The following PLCL1 variants were observed in gnomAD, a reference collection of about 807,000 sequenced individuals.
PLCL1 encodes phospholipase C like 1 (inactive), also known as inactive phospholipase C-like protein 1.
A neutral mutation model predicts 84.4 loss-of-function variants in PLCL1; 41 were observed. The observed-to-expected ratio is 0.49, with a 90% CI of 0.38 to 0.63. PLCL1 has a LOEUF of 0.63. Among genes scored for constraint, PLCL1 ranks in the 30% least tolerant of loss-of-function variants. The pLI is 0.00. For synonymous variants in PLCL1, 490 were observed against 488.3 expected (o/e 1.00, Z -0.05); for missense variants, 1,206 against 1,367.8 (o/e 0.88, Z 1.87).
At position 197,922,795 on chromosome 2, in the gene PLCL1, T is replaced by G. The variant is rs1480238838; in HGVS notation, c.240+117456T>G. Among the ~76,000 whole-genome samples, 531 of 123,094 alleles carry G rather than the reference T, an allele frequency of 4.3e-3. 1 individual carries two copies. The highest frequency in any genetic ancestry group is 7.5e-3 in the Non-Finnish European group (431 of 57,160). The allele number at this position is 123,094 out of a possible 152,430, so 80.8% of individuals were successfully genotyped here. The stretch of plus-strand genomic sequence containing the variant: ...CAGGGGGCTGACCCCCCCACCTCCC[T>G]CCCGGACGGGGCGGCTGGCCGGGCA... On this transcript the variant is annotated intron_variant, in intron 1 of 5. Coordinates refer to ENST00000428675, the MANE Select transcript of PLCL1 (RefSeq NM_006226.4).
intron 1 of PLCL1, among the ~76,000 whole-genome samples, chr2:198,050,613 C>T (rs553939897): frequency 5.3e-5 from 8 of 152,124 alleles, no homozygotes; most frequent in African/African-American, 1.9e-4. Flanking sequence ...GTATGACAGA[C>T]AAATATTTTA....
intron 1 of PLCL1, among the ~76,000 whole-genome samples, chr2:198,032,118 C>G (rs1312778395): frequency 6.6e-6 from 1 of 152,118 alleles, no homozygotes; most frequent in African/African-American, 2.4e-5. Context: ...TCTTTGTGGT[C>G]TCTATGATGG....
chr2:197,875,443 CAGGA>C (rs1687716588), intron 1 of PLCL1, among the ~76,000 whole-genome samples: 1 of 152,002 alleles, frequency 6.6e-6, no homozygotes, highest in Non-Finnish European at 1.5e-5. Context: ...TTGGGAAAGG[CAGGA>C]AGGAACATCT....
intron 1 of PLCL1, among the ~76,000 whole-genome samples, chr2:198,025,424 A>C (rs1328087849): frequency 2.0e-5 from 3 of 151,658 alleles, no homozygotes; most frequent in Non-Finnish European, 4.4e-5. Flanking sequence ...AGATCATTTT[A>C]TTTCTTTTGA....
At chr2:197,966,533 T>C (rs1348129648) in intron 1 of PLCL1, among the ~76,000 whole-genome samples, 1 of 152,116 alleles carries the variant, frequency 6.6e-6, no homozygotes, top group Non-Finnish European at 1.5e-5. Flanking sequence ...AAGACTGAGT[T>C]TCAGTGTAAA....
chr2:197,857,672 T>C (rs1455478245), intron 1 of PLCL1, among the ~76,000 whole-genome samples: 1 of 152,190 alleles, frequency 6.6e-6, no homozygotes, highest in Non-Finnish European at 1.5e-5. Context: ...TGGGTCTAGC[T>C]GAACACAGAA....
chr2:197,885,880 C>T (rs1687914011), intron 1 of PLCL1, among the ~76,000 whole-genome samples: 1 of 152,124 alleles, frequency 6.6e-6, no homozygotes, highest in African/African-American at 2.4e-5. Context: ...CATGCATTGG[C>T]TAAAAACCTC....
chr2:198,037,458 C>G (rs1691573573), intron 1 of PLCL1, among the ~76,000 whole-genome samples: 1 of 152,220 alleles, frequency 6.6e-6, no homozygotes, highest in Admixed American at 6.5e-5. Context: ...ATTTCCCAAA[C>G]TTAGTTGACC....
intron 1 of PLCL1, among the ~76,000 whole-genome samples, chr2:197,900,023 C>G (rs1238583766): frequency 6.6e-6 from 1 of 152,208 alleles, no homozygotes; most frequent in African/African-American, 2.4e-5. Flanking sequence ...GCTACCTAAG[C>G]TAGTACTTTC....
chr2:198,145,156 C>G (rs1487690477), intron 5 of PLCL1, among the ~76,000 whole-genome samples: 1 of 152,098 alleles, frequency 6.6e-6, no homozygotes, highest in Non-Finnish European at 1.5e-5. Context: ...TTGCACTTTT[C>G]AAAGTGGATG....
intron 1 of PLCL1, among the ~76,000 whole-genome samples, chr2:197,825,001 C>G (rs1336454661): frequency 6.6e-6 from 1 of 151,952 alleles, no homozygotes; most frequent in Admixed American, 6.6e-5. Flanking sequence ...AGCAATATTG[C>G]CTTTTTTTTC....
chr2:197,989,542 C>G (rs1690293248), intron 1 of PLCL1, among the ~76,000 whole-genome samples: 2 of 151,942 alleles, frequency 1.3e-5, no homozygotes, highest in African/African-American at 4.8e-5. Flanking sequence ...CAAAACTGAC[C>G]AAGTGAGCTT....
intron 1 of PLCL1, among the ~76,000 whole-genome samples, chr2:197,852,090 T>G (rs1286565045): frequency 2.0e-5 from 3 of 152,242 alleles, no homozygotes; most frequent in Middle Eastern, 3.2e-3. Context: ...GCGACAGCTT[T>G]GGCCATGTTT....
intron 1 of PLCL1, among the ~76,000 whole-genome samples, chr2:197,816,850 A>G (rs1420631916): frequency 1.3e-5 from 2 of 152,152 alleles, no homozygotes; most frequent in East Asian, 1.9e-4. Flanking sequence ...GTTAAATTCC[A>G]TTAAACTGAA....
In PLCL1 at chr2:197,828,805, A is replaced by G. The variant is rs1273123318; in HGVS notation, c.240+23466A>G. Among the ~76,000 whole-genome samples the G allele has an allele frequency of 4.6e-5, 7 of 152,180 alleles. No homozygotes were observed. The East Asian group carries it at 1.3e-3, about 29-fold the overall frequency. On this transcript the variant is annotated intron_variant, in intron 1 of 5. Coordinates refer to ENST00000428675, the MANE Select transcript of PLCL1 (RefSeq NM_006226.4). ...GGAAACATATCAAGAACAGATTGAA[A>G]CAGAATGTCTTTAACTGTCTTAAAA... is the stretch of plus-strand genomic sequence containing the variant.
At chr2:198,140,305 G>A (rs1694354698) in intron 5 of PLCL1, among the ~76,000 whole-genome samples, 1 of 152,028 alleles carries the variant, frequency 6.6e-6, no homozygotes, top group South Asian at 2.1e-4. Flanking sequence ...TATTATTAGT[G>A]AGTAGTGTTT....
chr2:197,944,924 C>T (rs1265257775), intron 1 of PLCL1, among the ~76,000 whole-genome samples: 1 of 152,076 alleles, frequency 6.6e-6, no homozygotes, highest in Admixed American at 6.5e-5. Context: ...GTTTTTGTTT[C>T]CTATCATCTT....
At chr2:197,917,014 T>C (rs1192727490) in intron 1 of PLCL1, among the ~76,000 whole-genome samples, 1 of 152,194 alleles carries the variant, frequency 6.6e-6, no homozygotes, top group Non-Finnish European at 1.5e-5. Flanking sequence ...TACCAATTGC[T>C]GGCAAGAATG....
intron 1 of PLCL1, among the ~76,000 whole-genome samples, chr2:197,943,448 C>G (rs370775177): frequency 1.1e-4 from 16 of 152,106 alleles, no homozygotes; most frequent in Non-Finnish European, 2.1e-4. Context: ...AGAATCACTT[C>G]GTTTTTAACT....
Sources: gnomAD v4.1 joint callset for allele counts (sites outside exome capture counted in the v4.1 genomes callset) on GRCh38, gnomAD v4.1.1 for gene constraint, MANE v1.5 for transcripts, NCBI Gene and HGNC (gene_info 2026-07-23, HGNC 2026-07-21) for gene names.